KCNMA1: variants seen among roughly 807,000 people sequenced by gnomAD.
The protein encoded by KCNMA1 is Calcium-activated potassium channel subunit alpha-1.
KCNMA1 carries 29 observed loss-of-function variants against 140.0 expected under a neutral mutation model. The ratio of observed to expected loss-of-function variants is 0.21; its 90% CI spans 0.15 to 0.28. The LOEUF (loss-of-function observed/expected upper bound fraction) is 0.28, where lower values mean the gene tolerates loss of function less well. Ranked by LOEUF, KCNMA1 falls within the 10% of genes least tolerant of loss-of-function variation. The pLI is 1.00. For missense variants in KCNMA1, 880 were observed against 1,602.2 expected, an observed-to-expected ratio of 0.55 and a Z score of 7.70; for synonymous variants, 612 against 611.9, an observed-to-expected ratio of 1.00 and a Z score of 0.00.
chr10:77,198,215 C>T (rs1055230909), intron 3 of KCNMA1, among the ~76,000 whole-genome samples: 1 of 152,036 alleles, frequency 6.6e-6, no homozygotes, highest in East Asian at 1.9e-4. Flanking sequence ...AGAGCTGAAG[C>T]GGGTCAGATA....
intron 2 of KCNMA1, among the ~76,000 whole-genome samples, chr10:77,386,261 G>A (rs2095599633): frequency 6.6e-6 from 1 of 152,188 alleles, no homozygotes; most frequent in African/African-American, 2.4e-5. Flanking sequence ...AAAGAATCCT[G>A]GCCACCTCAA....
intron 18 of KCNMA1, among the ~76,000 whole-genome samples, chr10:77,007,031 A>G (rs1218089688): frequency 6.6e-6 from 1 of 152,308 alleles, no homozygotes; most frequent in Middle Eastern, 3.4e-3. Context: ...AATTTGAAAC[A>G]TCTTCTCCAA....
At position 77,068,002 on chromosome 10, in the gene KCNMA1, T is replaced by C. The variant is rs191654677; in HGVS notation, c.1749+5095A>G. ...CTAAGATGATGGCACTAGCTAAAGT[T>C]TTCCCTTATCGTTTCTCACATTTCC... On this transcript the variant is annotated intron_variant, in intron 14 of 27. Transcript: ENST00000286628. Among the ~76,000 whole-genome samples, 229 of 152,296 alleles carry C rather than the reference T, an allele frequency of 1.5e-3. 1 individual carries two copies. Among genetic ancestry groups the C allele is most frequent in the Non-Finnish European group, 2.2e-3 (148 of 68,026 alleles).
At chr10:77,037,506 C>G (rs1163645768) in intron 15 of KCNMA1, among the ~76,000 whole-genome samples, 1 of 152,130 alleles carries the variant, frequency 6.6e-6, no homozygotes, top group Non-Finnish European at 1.5e-5. Context: ...GGGGAGCAGT[C>G]CTGACCCTTC....
intron 1 of KCNMA1, among the ~76,000 whole-genome samples, chr10:77,498,367 T>TGGCCCCA (rs1447124819): frequency 6.6e-6 from 1 of 152,150 alleles, no homozygotes; most frequent in African/African-American, 2.4e-5. Context: ...AGAAGAAAAC[T>TGGCCCCA]GGCCAGGGCA....
Position 77,637,778 on chromosome 10 carries a change from C to G in KCNMA1, c.-136G>C. 4.7e-6 allele frequency: 6 copies of G among 1,286,550 alleles called. No individual in the cohort carries two copies. Among genetic ancestry groups the G allele is most frequent in the Non-Finnish European group, 5.8e-6 (6 of 1,026,232 alleles). The allele number at this position is 1,286,550 out of a possible 1,614,324, so 79.7% of individuals were successfully genotyped here. A position where few individuals can be genotyped will look rare whatever the true frequency, so the allele number is the denominator to read the frequency against. ...GCCGCCGCGGAGCGCGGGAGGGGGGCGGGGAGGCGCCTGGGCTCGGGGCGC... is the reference window on the plus strand; with the variant it reads ...GCCGCCGCGGAGCGCGGGAGGGGGGGGGGGAGGCGCCTGGGCTCGGGGCGC... On this transcript the variant is annotated 5_prime_UTR_variant, in exon 1 of 28. Transcript: ENST00000286628.
intron 1 of KCNMA1, chr10:77,433,824 G>GCATC (rs961087669): frequency 6.6e-5 from 10 of 152,192 alleles, no homozygotes; most frequent in African/African-American, 2.4e-4. Context: ...CTCAACACCA[G>GCATC]CATCCTTCCT....
intron 2 of KCNMA1, among the ~76,000 whole-genome samples, chr10:77,281,445 A>G (rs2068563112): frequency 1.3e-5 from 2 of 152,216 alleles, no homozygotes; most frequent in African/African-American, 4.8e-5. Flanking sequence ...CATGGTGGCC[A>G]TGAATGGAAG....
At chr10:76,982,060 C>A (rs1414692588) in intron 19 of KCNMA1, among the ~76,000 whole-genome samples, 1 of 152,052 alleles carries the variant, frequency 6.6e-6, no homozygotes, top group Non-Finnish European at 1.5e-5. Context: ...AGTATGAGAC[C>A]CTTCTGGCTC....
intron 1 of KCNMA1, among the ~76,000 whole-genome samples, chr10:77,448,164 C>A (rs2097563433): frequency 1.3e-5 from 2 of 152,134 alleles, no homozygotes; most frequent in African/African-American, 4.8e-5. Context: ...AAAAGTAGGA[C>A]AACCTTGCAC....
rs117004950 is a variant in KCNMA1 at position 77,077,422 on chromosome 10, G to A, written c.1593+2059C>T. Among the ~76,000 whole-genome samples, 149 of 152,276 alleles carry A rather than the reference G, an allele frequency of 9.8e-4. 3 individuals carry two copies. The East Asian group carries it at 0.026, about 27-fold the overall frequency. ...ACTGTTTCTGAATAATTACAACACA[G>A]AGGTTTGCCAAACACATTCAGGTTG... is the stretch of plus-strand genomic sequence containing the variant. On this transcript the variant is annotated intron_variant, in intron 13 of 27. Transcript: ENST00000286628.
intron 1 of KCNMA1, among the ~76,000 whole-genome samples, chr10:77,520,304 G>A (rs2052880510): frequency 7.1e-6 from 1 of 141,088 alleles, no homozygotes; most frequent in Non-Finnish European, 1.6e-5. Context: ...CAGTGTGAGG[G>A]TGTGCAGTGT....
Position 77,219,270 on chromosome 10 carries a change from C to T in KCNMA1, c.602+31925G>A, listed in dbSNP as rs138706512. On this transcript the variant is annotated intron_variant, in intron 3 of 27. Coordinates refer to ENST00000286628, the MANE Select transcript of KCNMA1 (RefSeq NM_001161352.2). ...TTCCATCAGCTTAATACAATCGTGA[C>T]GACATGCTTCTAAGAAGGATCCTAA... is the stretch of plus-strand genomic sequence containing the variant. Among the ~76,000 whole-genome samples the T allele has an allele frequency of 2.8e-3, 427 of 152,250 alleles. 4 individuals carry two copies. Among genetic ancestry groups the T allele is most frequent in the Non-Finnish European group, 3.0e-3 (203 of 68,028 alleles).
chr10:76,885,795 A>G lies in KCNMA1; in HGVS notation c.*1471T>C, dbSNP rs2036623535. On this transcript the variant is annotated 3_prime_UTR_variant, in exon 28 of 28. Coordinates refer to ENST00000286628, the MANE Select transcript of KCNMA1 (RefSeq NM_001161352.2). ...CATCTGACAACTATATGTTGAAAAA[A>G]GGGTATTTTTCTACCTCTCCTCTCA... 7 of 984,916 alleles carry G rather than the reference A, an allele frequency of 7.1e-6. No homozygotes were observed. The highest frequency in any genetic ancestry group is 8.4e-6 in the Non-Finnish European group (7 of 829,594). 61.0% of individuals were successfully genotyped at this position (984,916 alleles called of 1,614,324 possible). A position where few individuals can be genotyped will look rare whatever the true frequency, so the allele number is the denominator to read the frequency against.
chr10:77,300,020 A>G lies in KCNMA1; in HGVS notation c.541-48764T>C, dbSNP rs1355762555. On this transcript the variant is annotated intron_variant, in intron 2 of 27. Coordinates refer to ENST00000286628, the MANE Select transcript of KCNMA1 (RefSeq NM_001161352.2). The stretch of plus-strand genomic sequence containing the variant: ...TTCTCTCCCTGGGCTGGGCTCCATC[A>G]GCTCATGCTGAGCCTCTGTGGCATT... Among the ~76,000 whole-genome samples the G allele has an allele frequency of 2.0e-5, 3 of 152,314 alleles. No homozygotes were observed. The East Asian group carries it at 5.8e-4, about 29-fold the overall frequency.
chr10:77,091,520 G>C (rs1270395736), intron 9 of KCNMA1: 1 of 152,184 alleles, frequency 6.6e-6, no homozygotes, highest in East Asian at 1.9e-4. Context: ...CAAAAAGCCA[G>C]GGACTGACTG....
intron 1 of KCNMA1, among the ~76,000 whole-genome samples, chr10:77,447,079 C>T (rs1439842487): frequency 6.6e-6 from 1 of 152,210 alleles, no homozygotes; most frequent in Non-Finnish European, 1.5e-5. Context: ...GCAAACAGCC[C>T]CCAGCTGTCG....
At chr10:76,914,911 C>G (rs200996141) in intron 24 of KCNMA1, 25 bp downstream of exon 24, 14 of 1,512,028 alleles carry the variant, frequency 9.3e-6, no homozygotes, top group Admixed American at 6.7e-5. Context: ...CAAAAACTCC[C>G]CCCAAAGCTG....
intron 2 of KCNMA1, among the ~76,000 whole-genome samples, chr10:77,343,188 G>T (rs886582327): frequency 3.3e-5 from 5 of 152,234 alleles, no homozygotes; most frequent in Admixed American, 1.3e-4. Flanking sequence ...ACCAGAGAGA[G>T]GACAGGCCCT....
Sources: allele counts gnomAD v4.1 joint callset (sites outside exome capture counted in the v4.1 genomes callset), GRCh38; gene constraint gnomAD v4.1.1; transcripts MANE v1.5; gene names NCBI Gene and HGNC (gene_info 2026-07-23, HGNC 2026-07-21).